SDK1: variants seen among roughly 807,000 people sequenced by gnomAD.
SDK1 encodes the protein protein sidekick-1.
SDK1 carries 157 observed loss-of-function variants against 245.5 expected under a neutral mutation model. The observed-to-expected ratio is 0.64, with a 90% CI of 0.56 to 0.73. SDK1 has a LOEUF of 0.73. Among genes scored for constraint, SDK1 ranks in the 30% least tolerant of loss-of-function variants. The pLI is 0.00. For synonymous variants in SDK1, 1,647 were observed against 1,278.5 expected, an observed-to-expected ratio of 1.29 and a Z score of -6.15; for missense variants, 3,583 against 3,002.3, an observed-to-expected ratio of 1.19 and a Z score of -4.52.
At chr7:3,389,750 G>GGAATA (rs1031778085) in intron 1 of SDK1, among the ~76,000 whole-genome samples, 1 of 57,836 alleles carries the variant, frequency 1.7e-5, no homozygotes, top group Non-Finnish European at 3.5e-5. Flanking sequence ...CTGGGCAACA[G>GGAATA]AAATAAACAA....
intron 1 of SDK1, among the ~76,000 whole-genome samples, chr7:3,479,761 TTGAGGCAGGAGAATTGC>T (rs1272674086): frequency 2.0e-5 from 3 of 150,070 alleles, no homozygotes; most frequent in African/African-American, 7.5e-5. Context: ...ACTCAGGAAG[TTGAGGCAGGAGAATTGC>T]TTGAAACTGG....
At chr7:3,879,852 G>A (rs966473966) in intron 5 of SDK1, among the ~76,000 whole-genome samples, 2 of 152,116 alleles carry the variant, frequency 1.3e-5, no homozygotes, top group Non-Finnish European at 2.9e-5. Context: ...ACCTTTGCGC[G>A]GCTGTCACAG....
intron 4 of SDK1, among the ~76,000 whole-genome samples, chr7:3,705,716 T>C (rs567518053): frequency 6.6e-6 from 1 of 152,178 alleles, no homozygotes; most frequent in African/African-American, 2.4e-5. Context: ...ATAATTTGAC[T>C]CTCTCTTTTC....
chr7:3,646,856 G>T (rs1466301396), intron 4 of SDK1, among the ~76,000 whole-genome samples: 1 of 152,138 alleles, frequency 6.6e-6, no homozygotes, highest in Non-Finnish European at 1.5e-5. Flanking sequence ...AGGTGGAAAA[G>T]GTTAAATACC....
intron 1 of SDK1, among the ~76,000 whole-genome samples, chr7:3,573,604 T>G (rs1355220712): frequency 6.6e-6 from 1 of 151,978 alleles, no homozygotes; most frequent in African/African-American, 2.4e-5. Context: ...GGCCACTTCT[T>G]CCAGAGCCAG....
rs376621374 is a variant in SDK1, at chr7:3,428,925, T to TG, written c.298+127042dup. Among the ~76,000 whole-genome samples, 342 of 152,304 alleles carry TG rather than the reference T, an allele frequency of 2.2e-3. 1 individual carries two copies. The highest frequency in any genetic ancestry group is 7.8e-3 in the African/African-American group (323 of 41,560). On this transcript the variant is annotated intron_variant, in intron 1 of 44. Coordinates refer to ENST00000404826, the MANE Select transcript of SDK1 (RefSeq NM_152744.4). ...AGATATTGAGATACTCTGCTTAGGA[T>TG]GAGAGATCAGCAGCAGTGGGTAGGG...
intron 35 of SDK1, among the ~76,000 whole-genome samples, chr7:4,204,067 G>A (rs1162298721): frequency 6.6e-6 from 1 of 152,238 alleles, no homozygotes; most frequent in Non-Finnish European, 1.5e-5. Context: ...GGCGCGCTGA[G>A]TTGGGCCATC....
intron 1 of SDK1, among the ~76,000 whole-genome samples, chr7:3,342,417 C>T (rs970328872): frequency 2.6e-5 from 4 of 151,606 alleles, no homozygotes; most frequent in Non-Finnish European, 5.9e-5. Flanking sequence ...GGAGAAACAC[C>T]GTCTCTACTA....
chr7:3,448,675 C>G (rs968346146), intron 1 of SDK1, among the ~76,000 whole-genome samples: 1 of 152,084 alleles, frequency 6.6e-6, no homozygotes, highest in Non-Finnish European at 1.5e-5. Flanking sequence ...TTGTAGATAT[C>G]TAGCCACTTA....
intron 17 of SDK1, among the ~76,000 whole-genome samples, chr7:4,038,737 A>C (rs1413214316): frequency 6.6e-6 from 1 of 152,220 alleles, no homozygotes; most frequent in African/African-American, 2.4e-5. Flanking sequence ...TCTTGTATTC[A>C]GTCTGACACA....
Position 3,309,937 on chromosome 7 carries a change from A to T in SDK1, c.298+8053A>T, listed in dbSNP as rs369066680. ...GGTTGCAAGCTAGAAACTCAGTCTG[A>T]ACTACTTAAGAAAAAAAGGATTTTA... On this transcript the variant is annotated intron_variant, in intron 1 of 44. Transcript: ENST00000404826. 6.0e-4 allele frequency among the ~76,000 whole-genome samples: 92 copies of T among 152,308 alleles called. 2 individuals carry two copies. In the South Asian group the frequency reaches 0.019, roughly 31 times the overall value.
intron 4 of SDK1, among the ~76,000 whole-genome samples, chr7:3,741,990 A>G (rs1031393362): frequency 1.1e-5 from 1 of 88,888 alleles, no homozygotes; most frequent in Non-Finnish European, 2.7e-5. Flanking sequence ...TAGTGTGCAT[A>G]TATATATATA....
chr7:3,794,213 G>A (rs1778907021), intron 4 of SDK1, among the ~76,000 whole-genome samples: 1 of 152,284 alleles, frequency 6.6e-6, no homozygotes, highest in East Asian at 1.9e-4. Context: ...ACCCCTTGAA[G>A]GTGTAAAAGA....
chr7:4,004,978 A>T (rs1785350483), intron 14 of SDK1, among the ~76,000 whole-genome samples: 1 of 148,950 alleles, frequency 6.7e-6, no homozygotes, highest in Non-Finnish European at 1.5e-5. Flanking sequence ...GTTGTCCTAT[A>T]GAAGGCCCCA....
chr7:3,896,895 A>G (rs1781623319), intron 5 of SDK1, among the ~76,000 whole-genome samples: 1 of 152,196 alleles, frequency 6.6e-6, no homozygotes, highest in African/African-American at 2.4e-5. Flanking sequence ...GTAATTTATA[A>G]AGAGAAGAGG....
intron 6 of SDK1, among the ~76,000 whole-genome samples, chr7:3,951,478 A>G (rs1293884252): frequency 6.6e-6 from 1 of 152,214 alleles, no homozygotes; most frequent in Non-Finnish European, 1.5e-5. Context: ...AAATGGGATC[A>G]TTAGCACTTA....
intron 6 of SDK1, among the ~76,000 whole-genome samples, chr7:3,951,378 C>T (rs563321171): frequency 7.2e-5 from 11 of 152,266 alleles, no homozygotes; most frequent in South Asian, 2.1e-4. Context: ...GCCTACTTAG[C>T]GGTCGCTCCA....
intron 30 of SDK1, among the ~76,000 whole-genome samples, chr7:4,156,488 G>C (rs62438231): frequency 7.2e-5 from 11 of 152,202 alleles, no homozygotes; most frequent in Non-Finnish European, 1.2e-4. Flanking sequence ...CAGAGGGTCT[G>C]AGATGTGCCT....
intron 1 of SDK1, among the ~76,000 whole-genome samples, chr7:3,357,052 C>G (rs867041601): frequency 4.7e-5 from 3 of 63,708 alleles, no homozygotes; most frequent in Admixed American, 1.9e-4. Context: ...GAGACTCTCT[C>G]GAAAAAAAAA....
Sources: allele counts gnomAD v4.1 joint callset (sites outside exome capture counted in the v4.1 genomes callset), GRCh38; gene constraint gnomAD v4.1.1; transcripts MANE v1.5; gene names NCBI Gene and HGNC (gene_info 2026-07-23, HGNC 2026-07-21).